TNKS: variants seen among roughly 807,000 people sequenced by gnomAD.
The protein encoded by TNKS is tankyrase.
TNKS carries 72 observed loss-of-function variants against 135.8 expected under a neutral mutation model. The observed-to-expected ratio is 0.53, with a 90% confidence interval of 0.44 to 0.64. The LOEUF is 0.64. TNKS is among the 30% of genes least tolerant of loss of function. The probability of loss-of-function intolerance (pLI) is 0.00; values close to 1 mark genes in which losing one functional copy is unlikely to be tolerated. For missense variants in TNKS, 1,769 were observed against 1,674.0 expected, an observed-to-expected ratio of 1.06 and a Z score of -0.99; for synonymous variants, 849 against 649.3, an observed-to-expected ratio of 1.31 and a Z score of -4.68.
At chr8:9,626,979 G>GA (rs1800081055) in intron 3 of TNKS, among the ~76,000 whole-genome samples, 3 of 152,178 alleles carry the variant, frequency 2.0e-5, no homozygotes, top group Non-Finnish European at 2.9e-5. Flanking sequence ...GATGGAGGCT[G>GA]GTCATTGGAT....
rs1426470220 is a variant in TNKS at position 9,777,523 on chromosome 8, C to A, written c.*787C>A. 2.0e-5 allele frequency: 3 copies of A among 152,224 alleles called. No homozygotes were observed. Among genetic ancestry groups the A allele is most frequent in the African/African-American group, 7.2e-5 (3 of 41,452 alleles). 9.4% of individuals were successfully genotyped at this position (152,224 alleles called of 1,614,324 possible). On this transcript the variant is annotated 3_prime_UTR_variant, in exon 27 of 27. Coordinates refer to ENST00000310430, the MANE Select transcript of TNKS (RefSeq NM_003747.3). The stretch of plus-strand genomic sequence containing the variant: ...AGCCGGTGAAGGCCACTTGCTCTTT[C>A]CAACACAAGCCTGCCACAGAGGTCT...
chr8:9,643,403 A>G (rs1800792831), intron 3 of TNKS, among the ~76,000 whole-genome samples: 1 of 125,726 alleles, frequency 8.0e-6, no homozygotes, highest in African/African-American at 3.0e-5. Context: ...TGCTTTTTAT[A>G]AGAAGCTCAC....
chr8:9,658,046 G>T (rs1373294723), intron 3 of TNKS, among the ~76,000 whole-genome samples: 1 of 83,916 alleles, frequency 1.2e-5, no homozygotes, highest in African/African-American at 4.9e-5. Flanking sequence ...GACGATGGGC[G>T]GCCGGGCAGA....
At chr8:9,732,338 G>A (rs533056038) in intron 14 of TNKS, among the ~76,000 whole-genome samples, 1 of 152,214 alleles carries the variant, frequency 6.6e-6, no homozygotes, top group South Asian at 2.1e-4. Flanking sequence ...ATTAATTCCC[G>A]TGTTCTGAGT....
At chr8:9,605,487 C>G (rs1044908955) in intron 2 of TNKS, among the ~76,000 whole-genome samples, 30 of 151,788 alleles carry the variant, frequency 2.0e-4, no homozygotes, top group Admixed American at 1.4e-3. Context: ...GGTTTGTTTC[C>G]TTTTGAGTAA....
intron 3 of TNKS, among the ~76,000 whole-genome samples, chr8:9,676,712 T>TGTTTG (rs1802558181): frequency 1.5e-5 from 1 of 68,450 alleles, no homozygotes; most frequent in Non-Finnish European, 3.3e-5. Flanking sequence ...GTGTGTGTGT[T>TGTTTG]TGTGTGTGTG....
In TNKS at chr8:9,774,610, C is replaced by T. The variant is rs541302764; in HGVS notation, c.3898-2040C>T. ...TCTGCAGTTCAGTAATTCCCTTACC[C>T]TTAATCCCTCTGGACTGTAATTGAT... On this transcript the variant is annotated intron_variant, in intron 26 of 26. Transcript: ENST00000310430. Among the ~76,000 whole-genome samples the T allele has an allele frequency of 8.7e-4, 132 of 152,292 alleles. 1 individual carries two copies. The highest frequency in any genetic ancestry group is 3.0e-3 in the African/African-American group (124 of 41,568).
intron 5 of TNKS, 108 bp from the exon 6 acceptor site, chr8:9,704,555 G>T: frequency 1.2e-6 from 1 of 836,030 alleles, no homozygotes. Flanking sequence ...ACATTTCAGC[G>T]CAGTATTTTT....
At chr8:9,769,742 C>T (rs541816785) in intron 25 of TNKS, among the ~76,000 whole-genome samples, 68 of 151,812 alleles carry the variant, frequency 4.5e-4, no homozygotes, top group African/African-American at 1.6e-3. Context: ...GCCTCAGCCT[C>T]CCAAGTAGCT....
At chr8:9,751,207 C>G (rs956688740) in intron 18 of TNKS, among the ~76,000 whole-genome samples, 2 of 152,164 alleles carry the variant, frequency 1.3e-5, no homozygotes, top group African/African-American at 4.8e-5. Flanking sequence ...AATAAATGAG[C>G]TAAATTAAAG....
intron 3 of TNKS, among the ~76,000 whole-genome samples, chr8:9,626,064 C>T (rs57331392): frequency 0.085 from 12,914 of 152,034 alleles, 588 homozygotes; most frequent in South Asian, 0.17. Context: ...GTTTTTGTTT[C>T]ATATATTTTG....
chr8:9,646,548 C>G (rs1433232277), intron 3 of TNKS, among the ~76,000 whole-genome samples: 1 of 151,836 alleles, frequency 6.6e-6, no homozygotes, highest in African/African-American at 2.4e-5. Context: ...TGGTGACTTC[C>G]CTAATCTCAT....
chr8:9,619,805 T>C (rs541139787), intron 3 of TNKS, among the ~76,000 whole-genome samples: 2,647 of 150,956 alleles, frequency 0.018, 79 homozygotes, highest in African/African-American at 0.06. Context: ...TTTTTTTTTT[T>C]CCTGCTAACT....
rs1406695274 is a variant in TNKS at position 9,781,547 on chromosome 8, G to GA, written c.*4814dup. On this transcript the variant is annotated 3_prime_UTR_variant, in exon 27 of 27. Transcript: ENST00000310430. ...CATTGTCTCCGTGACACAAAACACT[G>GA]AAACTCTTCATGTGCATATAACACC... is the stretch of plus-strand genomic sequence containing the variant. The GA allele has an allele frequency of 6.6e-6, 1 of 152,318 alleles. No individual in the cohort carries two copies. The highest frequency in any genetic ancestry group is 1.5e-5 in the Non-Finnish European group (1 of 68,038). The allele number at this position is 152,318 out of a possible 1,614,324, so 9.4% of individuals were successfully genotyped here. A position where few individuals can be genotyped will look rare whatever the true frequency, so the allele number is the denominator to read the frequency against.
At chr8:9,665,339 T>C (rs1255766510) in intron 3 of TNKS, among the ~76,000 whole-genome samples, 2 of 152,244 alleles carry the variant, frequency 1.3e-5, no homozygotes, top group East Asian at 3.8e-4. Context: ...ACATTGCCTT[T>C]ATCCTGATTA....
At chr8:9,604,863 C>A (rs1799157161) in intron 2 of TNKS, among the ~76,000 whole-genome samples, 1 of 151,792 alleles carries the variant, frequency 6.6e-6, no homozygotes, top group Non-Finnish European at 1.5e-5. Context: ...CCATCCTACT[C>A]TCTTTTTCCT....
In TNKS at chr8:9,771,447, AAG is replaced by A. The variant is rs200223559; in HGVS notation, c.3897+1193_3897+1194del. ...GGAAGGGAGGGACAGAGGAAAGGAA[AAG>A]AGAGAGAAGAAGGGAGGGAGAGAAG... On this transcript the variant is annotated intron_variant, in intron 26 of 26. Transcript: ENST00000310430. Among the ~76,000 whole-genome samples the A allele has an allele frequency of 3.2e-3, 240 of 75,226 alleles. 1 individual carries two copies. Among genetic ancestry groups the A allele is most frequent in the Admixed American group, 6.5e-3 (51 of 7,876 alleles). The allele number at this position is 75,226 out of a possible 152,430, so 49.4% of individuals were successfully genotyped here. A position where few individuals can be genotyped will look rare whatever the true frequency, so the allele number is the denominator to read the frequency against.
At chr8:9,572,810 A>C (rs1797805962) in intron 1 of TNKS, among the ~76,000 whole-genome samples, 1 of 152,214 alleles carries the variant, frequency 6.6e-6, no homozygotes, top group Admixed American at 6.5e-5. Flanking sequence ...GAGATACTCA[A>C]AAGTGTCTGG....
intron 3 of TNKS, among the ~76,000 whole-genome samples, chr8:9,643,323 T>A (rs1467124473): frequency 6.9e-6 from 1 of 145,746 alleles, no homozygotes; most frequent in African/African-American, 2.5e-5. Context: ...CCGTGTCTGG[T>A]TAGGGCCTGT....
Sources: allele counts gnomAD v4.1 joint callset (sites outside exome capture counted in the v4.1 genomes callset), GRCh38; gene constraint gnomAD v4.1.1; transcripts MANE v1.5; gene names NCBI Gene and HGNC (gene_info 2026-07-23, HGNC 2026-07-21).